Variants in TSHZ2 observed in about 807,000 individuals in gnomAD.
The protein encoded by TSHZ2 is teashirt homolog 2.
In TSHZ2, 21 loss-of-function variants were observed where a neutral mutation model predicts 74.4. That is an observed-to-expected ratio of 0.28 (90% confidence interval 0.20 to 0.41). The LOEUF is 0.41. Ranked by LOEUF, TSHZ2 falls within the 10% of genes least tolerant of loss-of-function variation. The pLI is 1.00. For synonymous variants in TSHZ2, 540 were observed against 515.3 expected (o/e 1.05, Z -0.65); for missense variants, 1,244 against 1,293.5 (o/e 0.96, Z 0.59).
chr20:53,203,244 G>C (rs1427851539), intron 1 of TSHZ2, among the ~76,000 whole-genome samples: 2 of 150,308 alleles, frequency 1.3e-5, no homozygotes, highest in East Asian at 2.0e-4. Context: ...GCCCAGGCTG[G>C]AGTGCAGTGG....
chr20:53,342,112 C>T (rs1461520134), intron 2 of TSHZ2, among the ~76,000 whole-genome samples: 1 of 152,142 alleles, frequency 6.6e-6, no homozygotes, highest in African/African-American at 2.4e-5. Context: ...ACGTTAGTAC[C>T]GTAAATTTGT....
At chr20:53,051,862 G>A (rs780785393) in intron 1 of TSHZ2, among the ~76,000 whole-genome samples, 1 of 152,192 alleles carries the variant, frequency 6.6e-6, no homozygotes, top group African/African-American at 2.4e-5. Flanking sequence ...CCATAGAACG[G>A]ACCTTTGCAG....
chr20:53,165,862 G>A (rs1319625409), intron 1 of TSHZ2, among the ~76,000 whole-genome samples: 3 of 152,136 alleles, frequency 2.0e-5, no homozygotes, highest in Non-Finnish European at 2.9e-5. Context: ...CACTCACAAC[G>A]GTGACTGCAA....
intron 2 of TSHZ2, among the ~76,000 whole-genome samples, chr20:53,308,579 G>A (rs1163113006): frequency 1.3e-5 from 2 of 152,146 alleles, no homozygotes; most frequent in African/African-American, 2.4e-5. Flanking sequence ...GTCACCGGGG[G>A]AGGCATTTCT....
At chr20:53,345,560 A>G (rs939036517) in intron 2 of TSHZ2, among the ~76,000 whole-genome samples, 1 of 152,220 alleles carries the variant, frequency 6.6e-6, no homozygotes. Context: ...GTGAGGAACT[A>G]CTTCACTCTA....
chr20:53,448,981 C>T (rs1302838003), intron 2 of TSHZ2, among the ~76,000 whole-genome samples: 1 of 151,690 alleles, frequency 6.6e-6, no homozygotes, highest in Non-Finnish European at 1.5e-5. Flanking sequence ...CTCCCACACA[C>T]AAAAAAAAGA....
intron 1 of TSHZ2, among the ~76,000 whole-genome samples, chr20:53,054,739 C>CT (rs1351104104): frequency 4.6e-5 from 7 of 152,228 alleles, no homozygotes; most frequent in African/African-American, 1.7e-4. Flanking sequence ...TGACATCCTC[C>CT]TTTTTTTCTC....
At chr20:53,413,230 C>T (rs1189271757) in intron 2 of TSHZ2, among the ~76,000 whole-genome samples, 1 of 152,178 alleles carries the variant, frequency 6.6e-6, no homozygotes, top group Non-Finnish European at 1.5e-5. Context: ...CGGTGGCTGA[C>T]CGTGGCAAGG....
intron 2 of TSHZ2, among the ~76,000 whole-genome samples, chr20:53,352,232 CTTTTTTTTT>C (rs142220716): frequency 2.4e-4 from 14 of 57,868 alleles, no homozygotes; most frequent in Non-Finnish European, 4.0e-4. Flanking sequence ...CTCCTAAGCT[CTTTTTTTTT>C]TTTTTTTTTT....
intron 2 of TSHZ2, among the ~76,000 whole-genome samples, chr20:53,414,899 G>A (rs963011878): frequency 6.6e-6 from 1 of 152,144 alleles, no homozygotes; most frequent in African/African-American, 2.4e-5. Context: ...CCATGTCACT[G>A]TCTGCACCTC....
intron 2 of TSHZ2, among the ~76,000 whole-genome samples, chr20:53,460,289 C>T (rs955222090): frequency 1.4e-4 from 22 of 151,882 alleles, no homozygotes; most frequent in South Asian, 8.3e-4. Flanking sequence ...CTTCCCTTCT[C>T]GCTTCATTTC....
At chr20:53,241,986 A>C (rs1282058917) in intron 1 of TSHZ2, among the ~76,000 whole-genome samples, 2 of 152,122 alleles carry the variant, frequency 1.3e-5, no homozygotes, top group African/African-American at 4.8e-5. Context: ...AAAAGTAATT[A>C]CTTTTACTTT....
intron 1 of TSHZ2, among the ~76,000 whole-genome samples, chr20:53,013,282 T>C (rs568548066): frequency 1.3e-5 from 2 of 152,334 alleles, no homozygotes; most frequent in East Asian, 1.9e-4. Context: ...CTCTACTTGT[T>C]AATGGAAGGT....
chr20:53,458,455 T>C (rs961245667), intron 2 of TSHZ2, among the ~76,000 whole-genome samples: 2 of 152,214 alleles, frequency 1.3e-5, no homozygotes, highest in Admixed American at 1.3e-4. Context: ...TCTCTTTTTT[T>C]CTTTATTAGT....
intron 2 of TSHZ2, among the ~76,000 whole-genome samples, chr20:53,321,510 C>T (rs1042025371): frequency 6.6e-6 from 1 of 151,630 alleles, no homozygotes; most frequent in African/African-American, 2.4e-5. Context: ...ATAGTGAAAC[C>T]CCATCTCTAC....
At chr20:52,997,576 G>GA (rs11472038) in intron 1 of TSHZ2, among the ~76,000 whole-genome samples, 16,097 of 149,716 alleles carry the variant, frequency 0.11, 949 homozygotes, top group African/African-American at 0.12. Flanking sequence ...CCTGATAAAA[G>GA]AAAAAAAAAA....
At position 53,445,501 on chromosome 20, in the gene TSHZ2, T is replaced by G. The variant is rs138469404; in HGVS notation, c.*9-41643T>G. On this transcript the variant is annotated intron_variant, in intron 2 of 2. Transcript: ENST00000371497. ...CAGTGAGCCATGAGCTAGTGGAAAA[T>G]GTTTTCCCTGTTTCCCAACCTCATT... Among the ~76,000 whole-genome samples the G allele has an allele frequency of 2.1e-4, 32 of 152,244 alleles. 3 individuals are homozygous for G. In the East Asian group the frequency reaches 6.2e-3, roughly 29 times the overall value.
chr20:53,279,343 A>G (rs1162119280), intron 2 of TSHZ2, among the ~76,000 whole-genome samples: 4 of 152,252 alleles, frequency 2.6e-5, no homozygotes, highest in Non-Finnish European at 4.4e-5. Flanking sequence ...ATCCAATACA[A>G]CTTTATCAAA....
In TSHZ2 at chr20:53,292,252, G is replaced by T. The variant is rs77328617; in HGVS notation, c.*8+35681G>T. 2.0e-5 allele frequency among the ~76,000 whole-genome samples: 3 copies of T among 152,162 alleles called. No homozygotes were observed. In the East Asian group the frequency reaches 5.8e-4, roughly 29 times the overall value. On this transcript the variant is annotated intron_variant, in intron 2 of 2. Coordinates refer to ENST00000371497, the MANE Select transcript of TSHZ2 (RefSeq NM_173485.6). ...AACTGGTAATCCTGACCCTTACAGG[G>T]GTAGAGAGTTAATCTGAGACCATCT...
Sources: gnomAD v4.1 joint callset for allele counts (sites outside exome capture counted in the v4.1 genomes callset) on GRCh38, gnomAD v4.1.1 for gene constraint, MANE v1.5 for transcripts, NCBI Gene and HGNC (gene_info 2026-07-23, HGNC 2026-07-21) for gene names.